Variants in CTDSPL2 observed in about 807,000 individuals in gnomAD.
CTDSPL2 encodes the protein CTD small phosphatase like 2.
A neutral mutation model predicts 60.0 loss-of-function variants in CTDSPL2; 5 were observed. The observed-to-expected ratio is 0.08, with a 90% CI of 0.04 to 0.18. CTDSPL2 has a LOEUF of 0.18. Among genes scored for constraint, CTDSPL2 ranks in the 10% least tolerant of loss-of-function variants. CTDSPL2 has a pLI of 1.00. For missense variants in CTDSPL2, 370 were observed against 548.8 expected (o/e 0.67, Z 3.26); for synonymous variants, 186 against 189.3 (o/e 0.98, Z 0.14).
chr15:44,457,659 T>G (rs2080476714), intron 1 of CTDSPL2, among the ~76,000 whole-genome samples: 1 of 152,202 alleles, frequency 6.6e-6, no homozygotes, highest in Non-Finnish European at 1.5e-5. Context: ...TTGCCCAAGC[T>G]GGAGTGCTAT....
At chr15:44,439,564 A>G (rs1464922272) in intron 1 of CTDSPL2, among the ~76,000 whole-genome samples, 1 of 150,524 alleles carries the variant, frequency 6.6e-6, no homozygotes. Flanking sequence ...GAATATTTGC[A>G]TTATACTGGT....
rs146307831 is a variant in CTDSPL2 at position 44,465,239 on chromosome 15, G to A, written c.186+6039G>A. ...CAGCCTTTCTGCTTTTTAGCACAATGAGATTTCTAATATGTAATTGAAGGC... is the reference window on the plus strand; with the variant it reads ...CAGCCTTTCTGCTTTTTAGCACAATAAGATTTCTAATATGTAATTGAAGGC... On this transcript the variant is annotated intron_variant, in intron 2 of 12. Coordinates refer to ENST00000260327, the MANE Select transcript of CTDSPL2 (RefSeq NM_016396.3). 2.1e-3 allele frequency among the ~76,000 whole-genome samples: 320 copies of A among 152,184 alleles called. 2 individuals are homozygous for A. Among genetic ancestry groups the A allele is most frequent in the African/African-American group, 7.5e-3 (312 of 41,536 alleles).
intron 1 of CTDSPL2, chr15:44,428,037 G>T (rs1294630060): frequency 4.7e-6 from 1 of 213,222 alleles, no homozygotes; most frequent in African/African-American, 2.3e-5. Context: ...TCTGGGGTTA[G>T]ATTTCACTTT....
intron 5 of CTDSPL2, 45 bp from the exon 6 acceptor site, chr15:44,496,335 A>C: frequency 8.3e-7 from 1 of 1,204,228 alleles, no homozygotes; most frequent in Non-Finnish European, 1.2e-6. Flanking sequence ...TATTTCATGA[A>C]GCATTAAGTA....
At position 44,456,887 on chromosome 15, in the gene CTDSPL2, TC is replaced by T. The variant is rs2080458308; in HGVS notation, c.-24-2103del. ...TTTTCTTTTTTTTTTTGTTTTTTTT[TC>T]TTTTTTTTGAAACAGGCTCTCACTG... On this transcript the variant is annotated intron_variant, in intron 1 of 12. Transcript: ENST00000260327. Among the ~76,000 whole-genome samples the T allele has an allele frequency of 2.3e-4, 35 of 150,862 alleles. No homozygotes were observed. In the South Asian group the frequency reaches 7.1e-3, roughly 31 times the overall value.
intron 8 of CTDSPL2, among the ~76,000 whole-genome samples, chr15:44,500,509 AG>A (rs2081367909): frequency 6.6e-6 from 1 of 152,142 alleles, no homozygotes; most frequent in Non-Finnish European, 1.5e-5. Context: ...TCTGTTTTGG[AG>A]GTTGTTATTT....
At chr15:44,450,677 A>G (rs940128471) in intron 1 of CTDSPL2, among the ~76,000 whole-genome samples, 4 of 144,240 alleles carry the variant, frequency 2.8e-5, no homozygotes, top group East Asian at 2.0e-4. Context: ...GCTCACTGCA[A>G]CCTCCGCCTC....
intron 1 of CTDSPL2, among the ~76,000 whole-genome samples, chr15:44,450,466 A>G (rs1170339787): frequency 6.6e-6 from 1 of 151,706 alleles, no homozygotes; most frequent in Non-Finnish European, 1.5e-5. Flanking sequence ...TTATGTGGTT[A>G]TTTCATTTGA....
intron 8 of CTDSPL2, among the ~76,000 whole-genome samples, chr15:44,504,182 C>T (rs2081421212): frequency 6.6e-6 from 1 of 151,870 alleles, no homozygotes; most frequent in African/African-American, 2.4e-5. Context: ...ACCCTATCTC[C>T]ACAAAAAAAT....
chr15:44,450,971 G>A (rs2080324229), intron 1 of CTDSPL2, among the ~76,000 whole-genome samples: 1 of 152,094 alleles, frequency 6.6e-6, no homozygotes, highest in African/African-American at 2.4e-5. Context: ...AATACGTGTA[G>A]TATAATTATA....
chr15:44,486,464 G>T, intron 3 of CTDSPL2, 87 bp from the exon 4 acceptor site: 5 of 913,844 alleles, frequency 5.5e-6, no homozygotes, highest in Middle Eastern at 3.6e-4. Context: ...GAGGGAAAAA[G>T]AGTTACTTCT....
chr15:44,439,629 T>G (rs1014820749), intron 1 of CTDSPL2, among the ~76,000 whole-genome samples: 3 of 152,036 alleles, frequency 2.0e-5, no homozygotes, highest in African/African-American at 7.3e-5. Context: ...TTATGGAGCA[T>G]TTCAGGTTTT....
At chr15:44,519,770 T>G (rs1423769506) in intron 11 of CTDSPL2, 2 of 153,136 alleles carry the variant, frequency 1.3e-5, no homozygotes, top group African/African-American at 2.4e-5. Context: ...TTTTGTTTTT[T>G]TTTGTTTTTG....
At chr15:44,430,855 C>T (rs955577575) in intron 1 of CTDSPL2, among the ~76,000 whole-genome samples, 5 of 151,178 alleles carry the variant, frequency 3.3e-5, no homozygotes, top group African/African-American at 4.9e-5. Context: ...GAGTTTCGCT[C>T]TTATTGCCCA....
At chr15:44,488,551 G>A (rs1231440181) in intron 4 of CTDSPL2, among the ~76,000 whole-genome samples, 4 of 152,094 alleles carry the variant, frequency 2.6e-5, no homozygotes, top group Non-Finnish European at 4.4e-5. Flanking sequence ...GTGGCTCAAC[G>A]CCTGTAATCC....
chr15:44,505,418 CA>C lies in CTDSPL2; in HGVS notation c.969+5610del, dbSNP rs200824591. ...ACCCTGGGTGACAGAGAGCCAGTCTCAAAAAGAAAAAAAAGAAGGAGAAAAA... is the reference window on the plus strand; with the variant it reads ...ACCCTGGGTGACAGAGAGCCAGTCTCAAAAGAAAAAAAAGAAGGAGAAAAA... On this transcript the variant is annotated intron_variant, in intron 8 of 12. Transcript: ENST00000260327. 9.6e-3 allele frequency among the ~76,000 whole-genome samples: 1,443 copies of C among 150,736 alleles called. 25 individuals carry two copies. Among genetic ancestry groups the C allele is most frequent in the African/African-American group, 0.034 (1,390 of 41,108 alleles).
chr15:44,455,396 A>G (rs2080413616), intron 1 of CTDSPL2, among the ~76,000 whole-genome samples: 2 of 152,112 alleles, frequency 1.3e-5, no homozygotes, highest in African/African-American at 4.8e-5. Flanking sequence ...TCTTTTCCTA[A>G]TTGAATACCC....
rs949344052 is a variant in CTDSPL2 at position 44,511,658 on chromosome 15, C to G, written c.970-2940C>G. 2.6e-5 allele frequency among the ~76,000 whole-genome samples: 4 copies of G among 151,844 alleles called. 1 individual carries two copies. In the South Asian group the frequency reaches 8.3e-4, roughly 31 times the overall value. On this transcript the variant is annotated intron_variant, in intron 8 of 12. Coordinates refer to ENST00000260327, the MANE Select transcript of CTDSPL2 (RefSeq NM_016396.3). Reference sequence around the variant, plus strand: ...CCGAGGCGGGGAGATCACCTGAGTTCGAGAGTTTGAGACCAGCCTGGTCAA... The same window carrying G: ...CCGAGGCGGGGAGATCACCTGAGTTGGAGAGTTTGAGACCAGCCTGGTCAA...
chr15:44,464,928 A>AC (rs1394364403), intron 2 of CTDSPL2, among the ~76,000 whole-genome samples: 1 of 150,490 alleles, frequency 6.6e-6, no homozygotes, highest in African/African-American at 2.4e-5. Context: ...CTGGTCTTGA[A>AC]CTCCTGACCT....
Sources: gnomAD v4.1 joint callset for allele counts (sites outside exome capture counted in the v4.1 genomes callset) on GRCh38, gnomAD v4.1.1 for gene constraint, MANE v1.5 for transcripts, NCBI Gene and HGNC (gene_info 2026-07-23, HGNC 2026-07-21) for gene names.